ARHGEF3: variants seen among roughly 807,000 people sequenced by gnomAD.
ARHGEF3 encodes 59.8 kDA protein.
A neutral mutation model predicts 63.2 loss-of-function variants in ARHGEF3; 28 were observed. That is an observed-to-expected ratio of 0.44 (90% CI 0.33 to 0.61). The LOEUF (loss-of-function observed/expected upper bound fraction) is 0.61, where lower values mean the gene tolerates loss of function less well. Among genes scored for constraint, ARHGEF3 ranks in the 20% least tolerant of loss-of-function variants. ARHGEF3 has a pLI of 0.03. For missense variants in ARHGEF3, 533 were observed against 659.3 expected, an observed-to-expected ratio of 0.81 and a Z score of 2.10; for synonymous variants, 266 against 254.2, an observed-to-expected ratio of 1.05 and a Z score of -0.44.
At chr3:57,031,207 G>C (rs1703716097) in intron 2 of ARHGEF3, among the ~76,000 whole-genome samples, 1 of 152,218 alleles carries the variant, frequency 6.6e-6, no homozygotes, top group South Asian at 2.1e-4. Context: ...CACAAGAGGT[G>C]AGACGTAGCC....
intron 1 of ARHGEF3, among the ~76,000 whole-genome samples, chr3:56,790,472 A>G (rs1487944845): frequency 6.6e-6 from 1 of 152,152 alleles, no homozygotes; most frequent in Non-Finnish European, 1.5e-5. Context: ...GATCACACCC[A>G]GACATCCCCA....
At chr3:56,985,308 T>C (rs889225182) in intron 2 of ARHGEF3, among the ~76,000 whole-genome samples, 1 of 152,204 alleles carries the variant, frequency 6.6e-6, no homozygotes, top group Non-Finnish European at 1.5e-5. Flanking sequence ...AGGCTGGTCT[T>C]GAACTCCTGG....
At chr3:56,764,457 T>C (rs1485849135) in intron 2 of ARHGEF3, among the ~76,000 whole-genome samples, 2 of 152,176 alleles carry the variant, frequency 1.3e-5, no homozygotes, top group African/African-American at 2.4e-5. Flanking sequence ...AACTTCAGGC[T>C]TTATTATGAC....
intron 3 of ARHGEF3, among the ~76,000 whole-genome samples, chr3:56,949,266 G>T: frequency 6.6e-6 from 1 of 151,956 alleles, no homozygotes; most frequent in Non-Finnish European, 1.5e-5. Flanking sequence ...ATAGTGTTGG[G>T]AAGTTCTGGC....
At position 56,852,883 on chromosome 3, in the gene ARHGEF3, CA is replaced by C. The variant is rs373950898; in HGVS notation, c.192+29408del. ...CTTGACTCACTAGAATTATTCCTTC[CA>C]AAAAGGAACCTTGTCTGCTCGATGG... On this transcript the variant is annotated intron_variant, in intron 4 of 12. Coordinates refer to the ARHGEF3 transcript ENST00000338458. Among the ~76,000 whole-genome samples, 933 of 152,210 alleles carry C rather than the reference CA, an allele frequency of 6.1e-3. 9 individuals are homozygous for C. Among genetic ancestry groups the C allele is most frequent in the South Asian group, 0.019 (94 of 4,822 alleles).
chr3:56,901,368 G>GTATGTA (rs56397347), intron 3 of ARHGEF3, among the ~76,000 whole-genome samples: 6,611 of 147,920 alleles, frequency 0.045, 159 homozygotes, highest in Middle Eastern at 0.064. Context: ...GAGTGGCAAA[G>GTATGTA]TATGTATATG....
intron 2 of ARHGEF3, among the ~76,000 whole-genome samples, chr3:57,002,513 T>G (rs9682880): frequency 0.011 from 899 of 81,778 alleles, 76 homozygotes; most frequent in African/African-American, 0.034. Flanking sequence ...TATATATATA[T>G]GTTATATATG....
intron 4 of ARHGEF3, among the ~76,000 whole-genome samples, chr3:56,871,202 T>A (rs2040422071): frequency 6.6e-6 from 1 of 152,138 alleles, no homozygotes; most frequent in African/African-American, 2.4e-5. Context: ...AATAAAATTG[T>A]TTTTCTCTTT....
intron 3 of ARHGEF3, among the ~76,000 whole-genome samples, chr3:56,753,949 T>C (rs533304454): frequency 1.5e-4 from 23 of 152,322 alleles, no homozygotes; most frequent in African/African-American, 5.5e-4. Flanking sequence ...TTCTAGATAA[T>C]GGATGTGGCA....
intron 4 of ARHGEF3, among the ~76,000 whole-genome samples, chr3:56,864,572 T>C (rs1393037813): frequency 6.6e-6 from 1 of 152,208 alleles, no homozygotes; most frequent in Non-Finnish European, 1.5e-5. Flanking sequence ...GCCTCCATAA[T>C]TGGACTGTAA....
chr3:56,806,949 A>C (rs139664720), upstream of ARHGEF3, among the ~76,000 whole-genome samples: 266 of 151,148 alleles, frequency 1.8e-3, 1 homozygote, highest in African/African-American at 6.1e-3. Flanking sequence ...CAGTGGTGTG[A>C]TCTTGCTCAC....
At chr3:56,967,543 TATTATGTAC>T (rs1272060374) in intron 2 of ARHGEF3, among the ~76,000 whole-genome samples, 8 of 89,086 alleles carry the variant, frequency 9.0e-5, no homozygotes, top group Non-Finnish European at 1.4e-4. Context: ...ATATATTACA[TATTATGTAC>T]ATTATATAAT....
chr3:57,005,426 A>T (rs1239830881), intron 2 of ARHGEF3, among the ~76,000 whole-genome samples: 1 of 152,170 alleles, frequency 6.6e-6, no homozygotes, highest in East Asian at 1.9e-4. Flanking sequence ...GTGGCAACCC[A>T]TCTCAGTGCC....
At chr3:56,944,928 A>G (rs1254136579) in intron 3 of ARHGEF3, among the ~76,000 whole-genome samples, 1 of 152,178 alleles carries the variant, frequency 6.6e-6, no homozygotes, top group African/African-American at 2.4e-5. Flanking sequence ...GATGCTGTGA[A>G]CATTCTTGAA....
At chr3:56,783,192 G>A (rs1423858988) in intron 1 of ARHGEF3, among the ~76,000 whole-genome samples, 2 of 152,068 alleles carry the variant, frequency 1.3e-5, no homozygotes, top group Admixed American at 6.6e-5. Flanking sequence ...AAAAAAACAG[G>A]GGTAGAAAGA....
At chr3:56,802,004 A>AG, upstream of ARHGEF3, 1 of 564,128 alleles carries the variant, frequency 1.8e-6, no homozygotes, top group Non-Finnish European at 2.8e-6. Context: ...ATGGGTGGGG[A>AG]GGGGGCGGGC....
intron 4 of ARHGEF3, among the ~76,000 whole-genome samples, chr3:56,822,618 TG>T (rs1369779476): frequency 1.3e-5 from 2 of 152,094 alleles, no homozygotes; most frequent in Admixed American, 1.3e-4. Flanking sequence ...CCTAGCACTT[TG>T]GGAGGCCAAG....
intron 4 of ARHGEF3, among the ~76,000 whole-genome samples, chr3:56,751,691 T>A (rs1180157817): frequency 6.6e-6 from 1 of 152,224 alleles, no homozygotes; most frequent in Non-Finnish European, 1.5e-5. Flanking sequence ...CAGATTTGAC[T>A]GTTAAAATGT....
intron 9 of ARHGEF3, among the ~76,000 whole-genome samples, chr3:56,731,108 C>A (rs1378573807): frequency 1.3e-5 from 2 of 152,188 alleles, no homozygotes; most frequent in Non-Finnish European, 2.9e-5. Context: ...TTCTACTACT[C>A]CTACTCCTAG....
Sources: gnomAD v4.1 joint callset for allele counts (sites outside exome capture counted in the v4.1 genomes callset) on GRCh38, gnomAD v4.1.1 for gene constraint, MANE v1.5 for transcripts, NCBI Gene and HGNC (gene_info 2026-07-23, HGNC 2026-07-21) for gene names.